The following PSD3 variants were observed in gnomAD, a reference collection of about 807,000 sequenced individuals.
PSD3 encodes the protein pleckstrin and Sec7 domain containing 3, also known as PH and SEC7 domain-containing protein 3.
In PSD3, 49 loss-of-function variants were observed where a neutral mutation model predicts 105.5. The observed-to-expected ratio is 0.46, with a 90% CI of 0.37 to 0.59. The LOEUF (loss-of-function observed/expected upper bound fraction) is 0.59, where lower values mean the gene tolerates loss of function less well. Among genes scored for constraint, PSD3 ranks in the 20% least tolerant of loss-of-function variants. The pLI is 0.00. For missense variants in PSD3, 1,561 were observed against 1,263.8 expected (o/e 1.24, Z -3.57); for synonymous variants, 557 against 457.8 (o/e 1.22, Z -2.77).
In PSD3 at chr8:18,734,732, C is replaced by T. The variant is rs538260777; in HGVS notation, c.2172+30717G>A. 2.6e-5 allele frequency among the ~76,000 whole-genome samples: 4 copies of T among 152,284 alleles called. No homozygotes were observed. In the East Asian group the frequency reaches 7.7e-4, roughly 29 times the overall value. Reference sequence around the variant, plus strand: ...ACTGGGTTAGAATATCTTCAAGACCCTCTCCAGCTTTAAGCCTGTGAACCC... The same window carrying T: ...ACTGGGTTAGAATATCTTCAAGACCTTCTCCAGCTTTAAGCCTGTGAACCC... On this transcript the variant is annotated intron_variant, in intron 9 of 15. Transcript: ENST00000327040.
intron 12 of PSD3, among the ~76,000 whole-genome samples, chr8:18,587,021 T>C (rs966565899): frequency 6.6e-6 from 1 of 152,186 alleles, no homozygotes; most frequent in Admixed American, 6.5e-5. Flanking sequence ...TTTGTCAAAC[T>C]GAATGACACT....
At chr8:18,733,428 T>A (rs1803915827) in intron 9 of PSD3, 1 of 152,634 alleles carries the variant, frequency 6.6e-6, no homozygotes, top group Non-Finnish European at 1.5e-5. Flanking sequence ...AAAACTGCAA[T>A]GCTGCAGAAT....
intron 1 of PSD3, among the ~76,000 whole-genome samples, chr8:19,072,392 T>C (rs1829301719): frequency 6.6e-6 from 1 of 152,226 alleles, no homozygotes; most frequent in African/African-American, 2.4e-5. Flanking sequence ...CGGATGGTTT[T>C]CTGAACATTT....
chr8:19,062,628 T>G (rs966816076), intron 1 of PSD3, among the ~76,000 whole-genome samples: 1 of 152,226 alleles, frequency 6.6e-6, no homozygotes, highest in African/African-American at 2.4e-5. Flanking sequence ...AAAACCAGTA[T>G]TATTTTCTAT....
At chr8:18,845,908 T>G (rs1586206004) in intron 4 of PSD3, among the ~76,000 whole-genome samples, 1 of 152,256 alleles carries the variant, frequency 6.6e-6, no homozygotes, top group East Asian at 1.9e-4. Flanking sequence ...TTATATTTCT[T>G]GACCAATAGC....
chr8:18,871,334 T>A (rs990557207), intron 3 of PSD3, among the ~76,000 whole-genome samples: 3 of 152,166 alleles, frequency 2.0e-5, no homozygotes, highest in African/African-American at 7.2e-5. Flanking sequence ...ATCTGTCAAA[T>A]GTTAAGAAAA....
chr8:19,023,333 A>G (rs1037752350), intron 1 of PSD3, among the ~76,000 whole-genome samples: 1 of 152,096 alleles, frequency 6.6e-6, no homozygotes, highest in Non-Finnish European at 1.5e-5. Context: ...TCTCAGTCTC[A>G]CTAGCCGTAT....
At chr8:18,838,850 T>C (rs1013711703) in intron 4 of PSD3, among the ~76,000 whole-genome samples, 11 of 146,414 alleles carry the variant, frequency 7.5e-5, no homozygotes, top group Admixed American at 2.7e-4. Context: ...ATAATAATAA[T>C]GTTCAAGAAA....
At chr8:18,926,821 A>C (rs896513920) in intron 2 of PSD3, among the ~76,000 whole-genome samples, 2 of 152,040 alleles carry the variant, frequency 1.3e-5, no homozygotes, top group African/African-American at 4.8e-5. Context: ...ATCTACCCGG[A>C]TATGGCATCA....
At chr8:18,884,701 C>T (rs887034457) in intron 2 of PSD3, among the ~76,000 whole-genome samples, 1 of 151,632 alleles carries the variant, frequency 6.6e-6, no homozygotes, top group East Asian at 1.9e-4. Flanking sequence ...GAAAATATTC[C>T]ATTAATTGGA....
intron 11 of PSD3, among the ~76,000 whole-genome samples, chr8:18,621,440 T>C (rs114713061): frequency 0.018 from 2,793 of 152,282 alleles, 70 homozygotes; most frequent in African/African-American, 0.063. Flanking sequence ...ATGAGAATGA[T>C]GGCGGAGGAC....
intron 9 of PSD3, among the ~76,000 whole-genome samples, chr8:18,705,630 T>G (rs1409907623): frequency 2.0e-5 from 3 of 151,792 alleles, no homozygotes; most frequent in Non-Finnish European, 2.9e-5. Flanking sequence ...AAATACATAT[T>G]GATATGTAAA....
At chr8:18,688,655 T>G (rs963292198) in intron 9 of PSD3, among the ~76,000 whole-genome samples, 1 of 152,202 alleles carries the variant, frequency 6.6e-6, no homozygotes, top group African/African-American at 2.4e-5. Context: ...AAGTCTTATT[T>G]TCTTCATCCT....
intron 1 of PSD3, among the ~76,000 whole-genome samples, chr8:18,983,729 T>G (rs1332320497): frequency 3.3e-5 from 5 of 152,072 alleles, no homozygotes; most frequent in Admixed American, 3.3e-4. Flanking sequence ...ACTGGTGCAG[T>G]GGCTCATGCC....
intron 9 of PSD3, among the ~76,000 whole-genome samples, chr8:18,677,980 A>G (rs1325579371): frequency 1.3e-5 from 2 of 148,696 alleles, no homozygotes; most frequent in Admixed American, 6.8e-5. Flanking sequence ...ACTGCACTCC[A>G]GCCTGGGCAG....
chr8:18,591,662 T>G (rs886287092), intron 12 of PSD3, among the ~76,000 whole-genome samples: 1 of 152,150 alleles, frequency 6.6e-6, no homozygotes, highest in Admixed American at 6.5e-5. Flanking sequence ...TGTACTTGAT[T>G]TCTCCCTTGG....
intron 2 of PSD3, among the ~76,000 whole-genome samples, chr8:18,933,153 A>T (rs1267319521): frequency 6.6e-6 from 1 of 152,220 alleles, no homozygotes; most frequent in Non-Finnish European, 1.5e-5. Context: ...ATAACATCAC[A>T]CCAGGAGCAA....
intron 2 of PSD3, among the ~76,000 whole-genome samples, chr8:18,926,179 A>T (rs969576804): frequency 6.6e-6 from 1 of 151,944 alleles, no homozygotes; most frequent in African/African-American, 2.4e-5. Flanking sequence ...TTCTTAGAAG[A>T]ATATACATTC....
chr8:18,898,906 G>T (rs769793191), intron 2 of PSD3, among the ~76,000 whole-genome samples: 7 of 152,118 alleles, frequency 4.6e-5, no homozygotes, highest in Non-Finnish European at 1.0e-4. Flanking sequence ...GGCACATTCA[G>T]TGTAAATGTA....
Sources: allele counts gnomAD v4.1 joint callset (sites outside exome capture counted in the v4.1 genomes callset), GRCh38; gene constraint gnomAD v4.1.1; transcripts MANE v1.5; gene names NCBI Gene and HGNC (gene_info 2026-07-23, HGNC 2026-07-21).